The following NPAS2 variants were observed in gnomAD, a reference collection of about 807,000 sequenced individuals.
NPAS2 encodes neuronal PAS domain-containing protein 2.
NPAS2 carries 23 observed loss-of-function variants against 107.5 expected under a neutral mutation model. That is an observed-to-expected ratio of 0.21 (90% CI 0.15 to 0.30). The LOEUF is 0.30. Ranked by LOEUF, NPAS2 falls within the 10% of genes least tolerant of loss-of-function variation. The pLI, the probability that NPAS2 is intolerant of heterozygous loss-of-function variation, is 1.00. For synonymous variants in NPAS2, 403 were observed against 417.5 expected, an observed-to-expected ratio of 0.97 and a Z score of 0.42; for missense variants, 756 against 1,043.3, an observed-to-expected ratio of 0.72 and a Z score of 3.79.
intron 2 of NPAS2, among the ~76,000 whole-genome samples, chr2:100,920,153 G>A (rs1368613370): frequency 1.1e-4 from 16 of 152,166 alleles, no homozygotes; most frequent in Middle Eastern, 3.2e-3. Flanking sequence ...CTGTCAAAGG[G>A]GGAGGGAGTG....
At chr2:100,873,814 A>G (rs1679779323) in intron 1 of NPAS2, among the ~76,000 whole-genome samples, 1 of 152,198 alleles carries the variant, frequency 6.6e-6, no homozygotes, top group Admixed American at 6.5e-5. Context: ...AACCGCTATC[A>G]TACCTGAGCA....
At chr2:100,957,307 T>G (rs544464016) in intron 7 of NPAS2, among the ~76,000 whole-genome samples, 1 of 152,350 alleles carries the variant, frequency 6.6e-6, no homozygotes, top group South Asian at 2.1e-4. Flanking sequence ...TGTCCTATTC[T>G]CTTCCCCTGA....
chr2:100,957,189 A>G (rs767546878), intron 7 of NPAS2, among the ~76,000 whole-genome samples: 1 of 152,254 alleles, frequency 6.6e-6, no homozygotes, highest in Non-Finnish European at 1.5e-5. Context: ...GTGTCAGGAA[A>G]TGGGACAAGA....
intron 1 of NPAS2, among the ~76,000 whole-genome samples, chr2:100,881,054 C>A (rs998740215): frequency 5.3e-5 from 8 of 152,160 alleles, no homozygotes; most frequent in South Asian, 2.1e-4. Context: ...CACAAGAAAG[C>A]CACACTTGGG....
intron 15 of NPAS2, 120 bp from the exon 16 acceptor site, chr2:100,982,111 A>C (rs1677479944): frequency 1.6e-6 from 2 of 1,240,050 alleles, no homozygotes; most frequent in Non-Finnish European, 2.3e-6. Context: ...CTCCTTAGGG[A>C]TGCTGGGAAA....
At chr2:100,994,530 G>A (rs938262516) in intron 20 of NPAS2, 1 of 152,296 alleles carries the variant, frequency 6.6e-6, no homozygotes, top group Non-Finnish European at 1.5e-5. Context: ...AATACAGAGA[G>A]CGCTTCGGCC....
At chr2:100,978,267 A>T (rs750577108) in intron 15 of NPAS2, among the ~76,000 whole-genome samples, 1 of 152,098 alleles carries the variant, frequency 6.6e-6, no homozygotes, top group Non-Finnish European at 1.5e-5. Context: ...TTGGTTTTCC[A>T]TTTCTGAGTT....
Position 100,820,240 on chromosome 2 carries a change from C to A in NPAS2, c.-197C>A. 7.3e-6 allele frequency: 1 copy of A among 137,906 alleles called. No homozygotes were observed. Among genetic ancestry groups the A allele is most frequent in the South Asian group, 2.0e-4 (1 of 5,056 alleles). The allele number at this position is 137,906 out of a possible 1,614,324, so 8.5% of individuals were successfully genotyped here. On this transcript the variant is annotated 5_prime_UTR_variant, in exon 1 of 21. Transcript: ENST00000335681. The surrounding 1 kb of genome is among the most constrained non-coding windows in gnomAD (Gnocchi z 5.6). ...GCGGCGGCCGCGGAGCCCGGAGACC[C>A]GCAGCCGCGGCGGCGGCGGCGGCGG...
intron 2 of NPAS2, 22 bp downstream of exon 2, chr2:100,904,808 G>A (rs200653048): frequency 1.9e-6 from 3 of 1,570,358 alleles, no homozygotes; most frequent in Admixed American, 1.7e-5. Flanking sequence ...CTGTCCCCCT[G>A]CTCAGCAGAG....
chr2:100,865,462 C>T (rs925474539), intron 1 of NPAS2, among the ~76,000 whole-genome samples: 2 of 152,148 alleles, frequency 1.3e-5, no homozygotes, highest in Non-Finnish European at 2.9e-5. Flanking sequence ...GTTGACCTTT[C>T]GGAAGCTCAC....
Position 100,874,313 on chromosome 2 carries a change from T to A in NPAS2, c.-22-30420T>A, listed in dbSNP as rs966413003. ...AAGTAATGGAGTACAACCCACATGA[T>A]GGAGCAGAACAACGATTGGTCATGT... On this transcript the variant is annotated intron_variant, in intron 1 of 20. Transcript: ENST00000335681. Among the ~76,000 whole-genome samples, 5 of 152,136 alleles carry A rather than the reference T, an allele frequency of 3.3e-5. No individual in the cohort carries two copies. In the East Asian group the frequency reaches 7.7e-4, roughly 24 times the overall value.
intron 1 of NPAS2, among the ~76,000 whole-genome samples, chr2:100,882,799 A>T (rs1222514900): frequency 6.6e-6 from 1 of 152,020 alleles, no homozygotes; most frequent in East Asian, 1.9e-4. Flanking sequence ...TCTCTCTCTC[A>T]CACGCACACA....
At chr2:100,825,338 A>G (rs1242317762) in intron 1 of NPAS2, among the ~76,000 whole-genome samples, 2 of 152,252 alleles carry the variant, frequency 1.3e-5, no homozygotes, top group Admixed American at 6.5e-5. Context: ...AAAAGATAGA[A>G]AAGAAGGAAA....
intron 3 of NPAS2, among the ~76,000 whole-genome samples, chr2:100,932,616 C>A (rs973391657): frequency 6.6e-6 from 1 of 152,168 alleles, no homozygotes; most frequent in Non-Finnish European, 1.5e-5. Flanking sequence ...CAACTGTTGA[C>A]GATGGAGTTC....
intron 1 of NPAS2, among the ~76,000 whole-genome samples, chr2:100,828,661 C>T (rs1005254892): frequency 6.6e-6 from 1 of 152,100 alleles, no homozygotes; most frequent in African/African-American, 2.4e-5. Context: ...GAGTCCTTTC[C>T]CCATTGCTTA....
In NPAS2 at chr2:100,856,111, A is replaced by G. The variant is rs146904530; in HGVS notation, c.-23+35697A>G. Among the ~76,000 whole-genome samples the G allele has an allele frequency of 2.8e-3, 425 of 152,358 alleles. 4 individuals are homozygous for G. Among genetic ancestry groups the G allele is most frequent in the African/African-American group, 8.9e-3 (371 of 41,594 alleles). Reference sequence around the variant, plus strand: ...TTAAGGAGCTTTGTCTAAAATTGACATATTGAGAGAAACCCATCCAAAACC... The same window carrying G: ...TTAAGGAGCTTTGTCTAAAATTGACGTATTGAGAGAAACCCATCCAAAACC... On this transcript the variant is annotated intron_variant, in intron 1 of 20. Transcript: ENST00000335681.
intron 1 of NPAS2, among the ~76,000 whole-genome samples, chr2:100,884,918 C>T (rs564115423): frequency 6.6e-5 from 10 of 150,960 alleles, no homozygotes; most frequent in East Asian, 5.8e-4. Flanking sequence ...CTCTCCCTAA[C>T]GAAAATGGCC....
At chr2:100,892,625 C>T (rs919872233) in intron 1 of NPAS2, among the ~76,000 whole-genome samples, 5 of 152,158 alleles carry the variant, frequency 3.3e-5, no homozygotes, top group African/African-American at 7.2e-5. Context: ...TGCCAGAATG[C>T]GATGAGAACT....
intron 7 of NPAS2, among the ~76,000 whole-genome samples, chr2:100,955,835 C>T (rs1675534594): frequency 6.6e-6 from 1 of 152,136 alleles, no homozygotes; most frequent in Non-Finnish European, 1.5e-5. Flanking sequence ...CCTGATGTCC[C>T]TACTCAGGAC....
Sources: gnomAD v4.1 joint callset for allele counts (sites outside exome capture counted in the v4.1 genomes callset) on GRCh38, gnomAD v4.1.1 for gene constraint, Gnocchi (gnomAD v3.1) non-coding constraint, MANE v1.5 for transcripts, NCBI Gene and HGNC (gene_info 2026-07-23, HGNC 2026-07-21) for gene names.